Variants in SLC44A2 observed in about 807,000 individuals in gnomAD.
The protein encoded by SLC44A2 is solute carrier family 44 member 2 (CTL2 blood group).
A neutral mutation model predicts 90.8 loss-of-function variants in SLC44A2; 57 were observed. The ratio of observed to expected loss-of-function variants is 0.63; its 90% confidence interval spans 0.51 to 0.78. The LOEUF is 0.78. Among genes scored for constraint, SLC44A2 ranks in the 30% least tolerant of loss-of-function variants. The pLI is 0.00. For missense variants in SLC44A2, 794 were observed against 919.7 expected (o/e 0.86, Z 1.77); for synonymous variants, 355 against 360.7 (o/e 0.98, Z 0.18).
intron 1 of SLC44A2, among the ~76,000 whole-genome samples, chr19:10,617,655 G>A (rs760756288): frequency 4.3e-4 from 66 of 152,110 alleles, no homozygotes; most frequent in Admixed American, 4.2e-3. Context: ...TGGCTCCCAC[G>A]TACTCATCAA....
chr19:10,637,837 C>T lies in SLC44A2; in HGVS notation c.1696-19C>T, dbSNP rs1337422370. 6.2e-7 allele frequency: 1 copy of T among 1,614,072 alleles called. No individual in the cohort carries two copies. The highest frequency in any genetic ancestry group is 8.5e-7 in the Non-Finnish European group (1 of 1,179,980). ...TGCCCACCCAGTGGGTCTGATCTCT[C>T]CCTCCCACTCTCCTCCAGATTGCCA... is the stretch of plus-strand genomic sequence containing the variant. On this transcript the variant is annotated intron_variant, in intron 17 of 21. Transcript: ENST00000335757.
upstream of SLC44A2, among the ~76,000 whole-genome samples, chr19:10,621,132 T>C (rs973348056): frequency 8.6e-5 from 13 of 152,004 alleles, no homozygotes; most frequent in Non-Finnish European, 1.5e-5. Context: ...GCAGATCACT[T>C]GAGGTCAGGA....
At position 10,636,438 on chromosome 19, in the gene SLC44A2, C is replaced by T. The variant is rs934391660; in HGVS notation, c.1349C>T (p.Ala450Val). The T allele has an allele frequency of 1.9e-6, 3 of 1,614,076 alleles. No individual in the cohort carries two copies. The highest frequency in any genetic ancestry group is 1.7e-5 in the Admixed American group (1 of 60,012). The part of the protein sequence containing the change: ...RALLGLQIFN[A>V]FMFFWLANFV... ...CTGCTGGGCCTGCAGATCTTCAATG[C>T]CTTCATGTTCTTCTGGTTGGCCAAC... is the stretch of plus-strand genomic sequence containing the variant. Residue 450 changes from alanine (A) to valine (V), a missense_variant, in exon 15 of 22, where the codon GCC (alanine) becomes GTC (valine). Physicochemically the swap from Ala to Val is moderately conservative, Grantham distance 64. Around this residue, in one of 3 missense-constraint regions of SLC44A2, gnomAD observed 738 missense variants for 841.1 expected, o/e 0.88. Coordinates refer to ENST00000335757, the MANE Select transcript of SLC44A2 (RefSeq NM_020428.4).
intron 1 of SLC44A2, among the ~76,000 whole-genome samples, chr19:10,602,758 C>T (rs990210744): frequency 7.9e-5 from 12 of 152,170 alleles, no homozygotes; most frequent in Non-Finnish European, 1.6e-4. Context: ...TCCCCGGGAG[C>T]CCCAGCTCCC....
intron 20 of SLC44A2, among the ~76,000 whole-genome samples, chr19:10,640,467 C>A (rs533236516): frequency 6.6e-6 from 1 of 152,086 alleles, no homozygotes; most frequent in African/African-American, 2.4e-5. Context: ...ACTATAATAA[C>A]AATAATAATA....
intron 1 of SLC44A2, among the ~76,000 whole-genome samples, chr19:10,620,039 G>T (rs1191948291): frequency 6.6e-6 from 1 of 152,152 alleles, no homozygotes; most frequent in Non-Finnish European, 1.5e-5. Context: ...TTAGCTGGGT[G>T]CAATGGTGTG....
intron 20 of SLC44A2, among the ~76,000 whole-genome samples, chr19:10,638,533 T>C (rs898916960): frequency 6.6e-6 from 1 of 152,186 alleles, no homozygotes; most frequent in African/African-American, 2.4e-5. Context: ...AACCTCTGCC[T>C]TCCGGGTTCA....
rs903139544 is a variant in SLC44A2 at position 10,625,568 on chromosome 19, A to T, written c.-66A>T. On this transcript the variant is annotated 5_prime_UTR_variant, in exon 1 of 22. Coordinates refer to ENST00000335757, the MANE Select transcript of SLC44A2 (RefSeq NM_020428.4). ...TCGCGCGGTCAGTGCCTCCCTCCAG[A>T]CTCGGGAGGGTCGAGGGGGCGCGGG... 3.2e-6 allele frequency: 4 copies of T among 1,233,606 alleles called. No homozygotes were observed. Among genetic ancestry groups the T allele is most frequent in the Non-Finnish European group, 4.1e-6 (4 of 987,136 alleles). 76.4% of individuals were successfully genotyped at this position (1,233,606 alleles called of 1,614,324 possible).
chr19:10,638,449 T>C, intron 20 of SLC44A2, 134 bp downstream of exon 20: 1 of 861,838 alleles, frequency 1.2e-6, no homozygotes, highest in East Asian at 2.5e-5. Flanking sequence ...CACAAACTTT[T>C]TGTTTGTTTT....
intron 5 of SLC44A2, 24 bp downstream of exon 5, chr19:10,631,165 T>G: frequency 6.2e-7 from 1 of 1,608,336 alleles, no homozygotes; most frequent in Non-Finnish European, 8.5e-7. Context: ...CACCGTTCCC[T>G]TTTTCCTCTC....
At position 10,626,253 on chromosome 19, in the gene SLC44A2, G is replaced by T; in HGVS notation, c.38G>T (p.Gly13Val). The change falls in exon 2 of 22, where the codon GGA becomes GTA. Residue 13 changes from glycine to valine, a missense_variant and splice_region_variant. This residue lies in a region of SLC44A2 where 738 missense variants were observed against 841.1 expected (regional missense o/e 0.88). Transcript: ENST00000335757. ...CCATCTTAATCTTCTTGACTTTCAG[G>T]AACGCCACAGAAGTATGATCCCACT... is the stretch of plus-strand genomic sequence containing the variant. ...DERPHYYGKHGTPQKYDPTFK... is the reference protein window; with the variant it reads ...DERPHYYGKHVTPQKYDPTFK... The T allele has an allele frequency of 6.2e-7, 1 of 1,613,012 alleles. No homozygotes were observed. The highest frequency in any genetic ancestry group is 1.1e-5 in the South Asian group (1 of 91,066).
In SLC44A2 at chr19:10,631,081, C is replaced by G; in HGVS notation, c.270C>G (p.Phe90Leu). Residue 90 changes from phenylalanine to leucine, a missense_variant, in exon 5 of 22, where the codon TTC (phenylalanine) becomes TTG (leucine). Transcript: ENST00000335757. ...GGAACAAACCCTATCTGTTTTATTT[C>G]AACATTGTGAAATGTGCCAGCCCCC... is the stretch of plus-strand genomic sequence containing the variant. The part of the protein sequence containing the change: ...KNENKPYLFY[F>L]NIVKCASPLV... The G allele has an allele frequency of 6.2e-7, 1 of 1,613,764 alleles. No individual in the cohort carries two copies.
Position 10,632,169 on chromosome 19 carries a change from C to T in SLC44A2, c.823+13C>T, listed in dbSNP as rs202003497. 33 of 1,597,186 alleles carry T rather than the reference C, an allele frequency of 2.1e-5. No homozygotes were observed. In the East Asian group the frequency reaches 5.6e-4, roughly 27 times the overall value. ...GTGCTGGGCTACGGTGCGTCACCCC[C>T]TCCCTGTGGCTTCTCTTTCCTGAAT... On this transcript the variant is annotated intron_variant, in intron 10 of 21. Coordinates refer to ENST00000335757, the MANE Select transcript of SLC44A2 (RefSeq NM_020428.4).
chr19:10,638,316 G>A lies in SLC44A2; in HGVS notation c.1929+1G>A. ...CAATTATTACTGGGTTCCTATACTGGTATGGACCTCTGGGGAGAGATGGGG... is the reference window on the plus strand; with the variant it reads ...CAATTATTACTGGGTTCCTATACTGATATGGACCTCTGGGGAGAGATGGGG... On this transcript the variant is annotated splice_donor_variant, in intron 20 of 21. Coordinates refer to ENST00000335757, the MANE Select transcript of SLC44A2 (RefSeq NM_020428.4). LOFTEE classifies it high-confidence loss of function. 6.2e-7 allele frequency: 1 copy of A among 1,613,116 alleles called. No homozygotes were observed. Among genetic ancestry groups the A allele is most frequent in the South Asian group, 1.1e-5 (1 of 91,060 alleles).
upstream of SLC44A2, among the ~76,000 whole-genome samples, chr19:10,624,783 G>C (rs994220799): frequency 6.6e-6 from 1 of 152,196 alleles, no homozygotes; most frequent in Non-Finnish European, 1.5e-5. Context: ...GGTCTCTCTG[G>C]TTCCTCACTG....
At chr19:10,612,974 A>G (rs1918349692) in intron 1 of SLC44A2, among the ~76,000 whole-genome samples, 1 of 152,226 alleles carries the variant, frequency 6.6e-6, no homozygotes, top group South Asian at 2.1e-4. Flanking sequence ...GGCCCGAGCA[A>G]GCAACCTCAG....
chr19:10,608,440 A>G (rs1019967073), intron 1 of SLC44A2, among the ~76,000 whole-genome samples: 9 of 151,912 alleles, frequency 5.9e-5, no homozygotes, highest in African/African-American at 1.7e-4. Context: ...CAAAGGGAAT[A>G]TTTATTTTAA....
rs1230485872 is a variant in SLC44A2, at chr19:10,625,573, G to A, written c.-61G>A. 2.4e-6 allele frequency: 3 copies of A among 1,235,252 alleles called. No homozygotes were observed. In the South Asian group the frequency reaches 1.2e-4, roughly 50 times the overall value. The allele number at this position is 1,235,252 out of a possible 1,614,324, so 76.5% of individuals were successfully genotyped here. On this transcript the variant is annotated 5_prime_UTR_variant, in exon 1 of 22. Coordinates refer to ENST00000335757, the MANE Select transcript of SLC44A2 (RefSeq NM_020428.4). ...CGGTCAGTGCCTCCCTCCAGACTCG[G>A]GAGGGTCGAGGGGGCGCGGGAGAGA...
Position 10,643,269 on chromosome 19 carries a change from C to G in SLC44A2, c.2015-10C>G. On this transcript the variant is annotated splice_polypyrimidine_tract_variant and intron_variant, in intron 21 of 21. Transcript: ENST00000335757. ...CCTCATGCCTCCTGCTCTGGGACCTCTCTCCACAGTGGAGGACCTGGAGAG... is the reference window on the plus strand; with the variant it reads ...CCTCATGCCTCCTGCTCTGGGACCTGTCTCCACAGTGGAGGACCTGGAGAG... 1 of 1,606,932 alleles carries G rather than the reference C, an allele frequency of 6.2e-7. No homozygotes were observed. Among genetic ancestry groups the G allele is most frequent in the Non-Finnish European group, 8.5e-7 (1 of 1,176,128 alleles).
Sources: gnomAD v4.1 joint callset for allele counts (sites outside exome capture counted in the v4.1 genomes callset) on GRCh38, gnomAD v4.1.1 for gene constraint, gnomAD v4.1.1 regional missense constraint, MANE v1.5 for transcripts, NCBI Gene and HGNC (gene_info 2026-07-23, HGNC 2026-07-21) for gene names.